The following LDB2 variants were observed in gnomAD, a reference collection of about 807,000 sequenced individuals.
The protein encoded by LDB2 is LIM domain-binding protein 2.
A neutral mutation model predicts 44.3 loss-of-function variants in LDB2; 12 were observed. The observed-to-expected ratio is 0.27, with a 90% CI of 0.17 to 0.44. LDB2 has a LOEUF of 0.44. Among genes scored for constraint, LDB2 ranks in the 20% least tolerant of loss-of-function variants. The pLI is 1.00. For synonymous variants in LDB2, 164 were observed against 174.8 expected (o/e 0.94, Z 0.49); for missense variants, 344 against 473.5 (o/e 0.73, Z 2.54).
chr4:16,573,885 G>C (rs1264673210), intron 5 of LDB2, among the ~76,000 whole-genome samples: 1 of 152,096 alleles, frequency 6.6e-6, no homozygotes, highest in Non-Finnish European at 1.5e-5. Flanking sequence ...GAATTGTAAT[G>C]CCTTCTCCTG....
intron 2 of LDB2, chr4:16,626,610 G>A (rs146236416): frequency 2.0e-5 from 3 of 152,196 alleles, no homozygotes; most frequent in African/African-American, 4.8e-5. Context: ...CTCTGGCTAA[G>A]CTTCATTTTA....
chr4:16,890,089 G>A (rs1031440479), intron 1 of LDB2, among the ~76,000 whole-genome samples: 12 of 152,190 alleles, frequency 7.9e-5, no homozygotes, highest in Non-Finnish European at 1.6e-4. Context: ...TTCCCTGACC[G>A]AGGGCAAAGG....
At chr4:16,585,823 C>A in intron 5 of LDB2, 99 bp downstream of exon 5, 1 of 817,742 alleles carries the variant, frequency 1.2e-6, no homozygotes, top group South Asian at 1.5e-5. Flanking sequence ...ACTGCTATAT[C>A]ACCAGTACCT....
chr4:16,786,196 T>C (rs1579650346), intron 1 of LDB2, among the ~76,000 whole-genome samples: 1 of 152,310 alleles, frequency 6.6e-6, no homozygotes, highest in African/African-American at 2.4e-5. Flanking sequence ...AACTCATAAG[T>C]CAGCCGATCT....
intron 1 of LDB2, among the ~76,000 whole-genome samples, chr4:16,810,818 C>A (rs1036828141): frequency 2.6e-5 from 4 of 152,168 alleles, no homozygotes; most frequent in Admixed American, 6.5e-5. Context: ...TTATTACCTT[C>A]CATTAAGAGT....
chr4:16,586,132 G>A, intron 4 of LDB2, 127 bp from the exon 5 acceptor site: 1 of 682,300 alleles, frequency 1.5e-6, no homozygotes, highest in Non-Finnish European at 2.6e-6. Flanking sequence ...AGGGCAGGCT[G>A]CTGGAGGTAA....
intron 2 of LDB2, among the ~76,000 whole-genome samples, chr4:16,703,286 A>T (rs1753889096): frequency 6.6e-6 from 1 of 152,236 alleles, no homozygotes; most frequent in South Asian, 2.1e-4. Flanking sequence ...AGAGTCATGA[A>T]GGCAGAGAAG....
At chr4:16,637,283 G>A (rs1223226110) in intron 2 of LDB2, among the ~76,000 whole-genome samples, 1 of 127,346 alleles carries the variant, frequency 7.9e-6, no homozygotes, top group Non-Finnish European at 1.6e-5. Context: ...CTCTATGGAA[G>A]TTCTTGCCTA....
chr4:16,531,325 C>G (rs1191959591), intron 5 of LDB2, among the ~76,000 whole-genome samples: 1 of 126,774 alleles, frequency 7.9e-6, no homozygotes, highest in African/African-American at 2.7e-5. Flanking sequence ...CCCTGTCACC[C>G]TTGCTCCCAG....
chr4:16,608,692 T>C (rs1451685004), intron 2 of LDB2, among the ~76,000 whole-genome samples: 1 of 152,218 alleles, frequency 6.6e-6, no homozygotes, highest in Non-Finnish European at 1.5e-5. Flanking sequence ...TCATTCTTCC[T>C]TGAAGCTGTC....
intron 2 of LDB2, among the ~76,000 whole-genome samples, chr4:16,718,397 A>G (rs1223493260): frequency 6.6e-6 from 1 of 152,188 alleles, no homozygotes; most frequent in African/African-American, 2.4e-5. Context: ...AATGAAAACA[A>G]TTTAAAGAAT....
intron 2 of LDB2, among the ~76,000 whole-genome samples, chr4:16,713,565 T>C (rs1470308950): frequency 6.6e-6 from 1 of 152,184 alleles, no homozygotes; most frequent in Non-Finnish European, 1.5e-5. Flanking sequence ...ATTATGTGCC[T>C]ACTGTGAATC....
At chr4:16,577,544 C>G (rs1198462530) in intron 5 of LDB2, among the ~76,000 whole-genome samples, 1 of 152,032 alleles carries the variant, frequency 6.6e-6, no homozygotes, top group Non-Finnish European at 1.5e-5. Context: ...ATGAAAACTA[C>G]AATGTATTGA....
chr4:16,543,543 ATG>A (rs1190318137), intron 5 of LDB2, among the ~76,000 whole-genome samples: 3 of 152,174 alleles, frequency 2.0e-5, no homozygotes, highest in African/African-American at 7.2e-5. Context: ...GCATTTTTTC[ATG>A]TGTTTTTTGG....
At chr4:16,811,244 C>T (rs1779809432) in intron 1 of LDB2, among the ~76,000 whole-genome samples, 2 of 152,184 alleles carry the variant, frequency 1.3e-5, no homozygotes, top group Non-Finnish European at 1.5e-5. Context: ...ATTTTGCAAA[C>T]ACTTATTGAG....
chr4:16,842,773 G>A (rs1183738392), intron 1 of LDB2, among the ~76,000 whole-genome samples: 3 of 152,108 alleles, frequency 2.0e-5, no homozygotes, highest in African/African-American at 7.2e-5. Context: ...CTAAAGGAGC[G>A]ATTTGCGTAG....
intron 2 of LDB2, among the ~76,000 whole-genome samples, chr4:16,677,867 C>A (rs892359131): frequency 3.3e-5 from 5 of 152,150 alleles, no homozygotes; most frequent in African/African-American, 1.2e-4. Flanking sequence ...TATTAAGAAA[C>A]ACTGGGAAAT....
intron 2 of LDB2, among the ~76,000 whole-genome samples, chr4:16,689,179 C>T (rs898015221): frequency 6.6e-6 from 1 of 152,168 alleles, no homozygotes; most frequent in Admixed American, 6.5e-5. Flanking sequence ...AGCTGTCCTA[C>T]CAGAGCTGGA....
intron 1 of LDB2, chr4:16,893,188 C>G: frequency 2.9e-6 from 1 of 350,586 alleles, no homozygotes; most frequent in Non-Finnish European, 4.0e-6. Context: ...TCCTTTCCAC[C>G]ACCCAGCCCC....
Sources: allele counts gnomAD v4.1 joint callset (sites outside exome capture counted in the v4.1 genomes callset), GRCh38; gene constraint gnomAD v4.1.1; transcripts MANE v1.5; gene names NCBI Gene and HGNC (gene_info 2026-07-23, HGNC 2026-07-21).